PITPNM2: variants seen among roughly 807,000 people sequenced by gnomAD.
PITPNM2 encodes the protein membrane-associated phosphatidylinositol transfer protein 2.
In PITPNM2, 35 loss-of-function variants were observed where a neutral mutation model predicts 132.2. The observed-to-expected ratio is 0.26, with a 90% confidence interval of 0.20 to 0.35. PITPNM2 has a LOEUF of 0.35. Ranked by LOEUF, PITPNM2 falls within the 10% of genes least tolerant of loss-of-function variation. The probability of loss-of-function intolerance (pLI) is 1.00; values close to 1 mark genes in which losing one functional copy is unlikely to be tolerated. For synonymous variants in PITPNM2, 738 were observed against 799.2 expected (o/e 0.92, Z 1.29); for missense variants, 1,332 against 1,912.0 (o/e 0.70, Z 5.66).
chr12:123,135,999 T>C (rs2043373135), intron 1 of PITPNM2, among the ~76,000 whole-genome samples: 1 of 152,190 alleles, frequency 6.6e-6, no homozygotes, highest in African/African-American at 2.4e-5. Context: ...CCCATGAACA[T>C]ACATTACTTA....
intron 1 of PITPNM2, among the ~76,000 whole-genome samples, chr12:123,124,170 C>T (rs1293465433): frequency 6.6e-6 from 1 of 152,226 alleles, no homozygotes; most frequent in Non-Finnish European, 1.5e-5. Context: ...GCAGGAGAAT[C>T]GCTTGGACCC....
chr12:123,029,647 G>A (rs2040000039), intron 3 of PITPNM2, among the ~76,000 whole-genome samples: 1 of 151,656 alleles, frequency 6.6e-6, no homozygotes, highest in South Asian at 2.1e-4. Flanking sequence ...GTGTATGTGT[G>A]TGTGTGTGTG....
rs190279921 is a variant in PITPNM2, at chr12:123,043,449, C to A, written c.-95-8764G>T. Among the ~76,000 whole-genome samples the A allele has an allele frequency of 2.0e-5, 3 of 152,280 alleles. No individual in the cohort carries two copies. In the East Asian group the frequency reaches 5.8e-4, roughly 29 times the overall value. On this transcript the variant is annotated intron_variant, in intron 2 of 25. Coordinates refer to ENST00000320201, the MANE Select transcript of PITPNM2 (RefSeq NM_020845.3). ...ACCTGACTCCTTCCTCTAACGCTGG[C>A]CTGGGCAGTGAAGAGGGGGTCCCAG... is the stretch of plus-strand genomic sequence containing the variant.
At chr12:123,075,384 G>A (rs1050780525) in intron 2 of PITPNM2, among the ~76,000 whole-genome samples, 2 of 152,234 alleles carry the variant, frequency 1.3e-5, no homozygotes, top group East Asian at 1.9e-4. Context: ...GCATCAGAGC[G>A]GCCTGTCCTG....
intron 2 of PITPNM2, among the ~76,000 whole-genome samples, chr12:123,061,019 G>A (rs990120581): frequency 6.6e-6 from 1 of 151,876 alleles, no homozygotes; most frequent in African/African-American, 2.4e-5. Flanking sequence ...TAGCTACCGC[G>A]CCATTCACTC....
At position 122,990,532 on chromosome 12, in the gene PITPNM2, C is replaced by T; in HGVS notation, c.2569+13G>A. ...TGGCTGAGTGAGGAGGGTGAGGGGC[C>T]TGGTATACTCACTCTGGGCGATGCT... On this transcript the variant is annotated intron_variant, in intron 17 of 25. Transcript: ENST00000320201. 1.9e-6 allele frequency: 3 copies of T among 1,612,334 alleles called. No individual in the cohort carries two copies. Among genetic ancestry groups the T allele is most frequent in the Non-Finnish European group, 2.5e-6 (3 of 1,179,746 alleles).
At chr12:123,149,969 G>A (rs2043694309) in intron 1 of PITPNM2, 1 of 152,292 alleles carries the variant, frequency 6.6e-6, no homozygotes, top group South Asian at 2.1e-4. Context: ...TCAGTGGGAG[G>A]GAGAGGAGTG....
At chr12:123,014,704 AAAAC>A (rs1334145685) in intron 3 of PITPNM2, among the ~76,000 whole-genome samples, 215 of 152,362 alleles carry the variant, frequency 1.4e-3, no homozygotes, top group African/African-American at 4.6e-3. Context: ...TCTGTCTCAA[AAAAC>A]AAACAAAACA....
At chr12:123,109,790 C>G (rs762042808) in intron 2 of PITPNM2, among the ~76,000 whole-genome samples, 1 of 152,194 alleles carries the variant, frequency 6.6e-6, no homozygotes, top group Non-Finnish European at 1.5e-5. Flanking sequence ...AGGAGAATAG[C>G]AGCCGTTGGG....
Position 123,018,008 on chromosome 12 carries a change from C to CTTCT in PITPNM2, c.79-3967_79-3966insAGAA, listed in dbSNP as rs2039499059. 5.1e-5 allele frequency among the ~76,000 whole-genome samples: 7 copies of CTTCT among 136,662 alleles called. No homozygotes were observed. In the South Asian group the frequency reaches 1.8e-3, roughly 34 times the overall value. The allele number at this position is 136,662 out of a possible 152,430, so 89.7% of individuals were successfully genotyped here. On this transcript the variant is annotated intron_variant, in intron 3 of 25. Transcript: ENST00000320201. ...TTTTCCTTCCTTCCTTCCTTCCTTC[C>CTTCT]TTCCTTCCTTCCTTCCTTCCTTCCT... is the stretch of plus-strand genomic sequence containing the variant.
At chr12:123,002,063 G>A (rs957576205) in intron 8 of PITPNM2, among the ~76,000 whole-genome samples, 5 of 151,570 alleles carry the variant, frequency 3.3e-5, no homozygotes, top group African/African-American at 1.2e-4. Flanking sequence ...TTAGGCCAGG[G>A]GTGGTGGTTC....
In PITPNM2 at chr12:123,005,930, T is replaced by A; in HGVS notation, c.644-382A>T. The A allele has an allele frequency of 5.7e-6, 1 of 173,974 alleles. No individual in the cohort carries two copies. The allele number at this position is 173,974 out of a possible 1,614,324, so 10.8% of individuals were successfully genotyped here. ...CTGGGCAACGAAACAAGACCCTGTC[T>A]CTATAAAAAAAAAAAAAATTAAAAA... On this transcript the variant is annotated intron_variant, in intron 6 of 25. Transcript: ENST00000320201. The surrounding 1 kb of genome is among the most constrained non-coding windows in gnomAD (Gnocchi z 6.2).
chr12:123,079,402 G>A (rs1281189239), intron 2 of PITPNM2, among the ~76,000 whole-genome samples: 1 of 114,014 alleles, frequency 8.8e-6, no homozygotes, highest in African/African-American at 3.3e-5. Context: ...AGGCTGGAGT[G>A]CAGTGGTATG....
intron 1 of PITPNM2, among the ~76,000 whole-genome samples, chr12:123,128,554 C>T (rs2043197197): frequency 1.3e-5 from 2 of 150,550 alleles, no homozygotes; most frequent in South Asian, 2.1e-4. Flanking sequence ...AAGATCGAGA[C>T]CATCTTGGCT....
At chr12:123,084,387 C>T (rs2042052137) in intron 2 of PITPNM2, 1 of 152,260 alleles carries the variant, frequency 6.6e-6, no homozygotes, top group Non-Finnish European at 1.5e-5. Context: ...GACGGGGGTC[C>T]TGGTCCTGTT....
rs1041229165 is a variant in PITPNM2 at position 123,095,962 on chromosome 12, C to A, written c.-96+14423G>T. 6.6e-6 allele frequency among the ~76,000 whole-genome samples: 1 copy of A among 152,232 alleles called. No homozygotes were observed. Among genetic ancestry groups the A allele is most frequent in the Non-Finnish European group, 1.5e-5 (1 of 68,042 alleles). On this transcript the variant is annotated intron_variant, in intron 2 of 25. Coordinates refer to ENST00000320201, the MANE Select transcript of PITPNM2 (RefSeq NM_020845.3). The surrounding 1 kb of genome is among the most constrained non-coding windows in gnomAD (Gnocchi z 5.0). Reference sequence around the variant, plus strand: ...GGATCATCACCGCCCATGACTGATGCCTGTGATGGCCTGAGAGCTCCTTGA... The same window carrying A: ...GGATCATCACCGCCCATGACTGATGACTGTGATGGCCTGAGAGCTCCTTGA...
At position 123,004,382 on chromosome 12, in the gene PITPNM2, C is replaced by T. The variant is rs760475266; in HGVS notation, c.1048+12G>A. ...GGAAGGCCCCAAGGACTGCAGAGCGCTGCCTGCCTACCGTGCGCATCGAAG... is the reference window on the plus strand; with the variant it reads ...GGAAGGCCCCAAGGACTGCAGAGCGTTGCCTGCCTACCGTGCGCATCGAAG... On this transcript the variant is annotated intron_variant, in intron 8 of 25. Coordinates refer to ENST00000320201, the MANE Select transcript of PITPNM2 (RefSeq NM_020845.3). The surrounding 1 kb of genome is among the most constrained non-coding windows in gnomAD (Gnocchi z 4.9). The T allele has an allele frequency of 1.2e-6, 2 of 1,613,584 alleles. No homozygotes were observed. Among genetic ancestry groups the T allele is most frequent in the Admixed American group, 3.3e-5 (2 of 60,020 alleles).
At chr12:123,125,873 T>TG (rs2043129124) in intron 1 of PITPNM2, among the ~76,000 whole-genome samples, 1 of 98,612 alleles carries the variant, frequency 1.0e-5, no homozygotes, top group Non-Finnish European at 2.2e-5. Flanking sequence ...GGTTTTTTTT[T>TG]TTTTTTTTTT....
intron 1 of PITPNM2, among the ~76,000 whole-genome samples, chr12:123,138,461 G>T (rs1204944992): frequency 6.6e-6 from 1 of 151,898 alleles, no homozygotes; most frequent in Non-Finnish European, 1.5e-5. Flanking sequence ...TGTTTAAAAT[G>T]GTAAATGTTA....
Sources: gnomAD v4.1 joint callset for allele counts (sites outside exome capture counted in the v4.1 genomes callset) on GRCh38, gnomAD v4.1.1 for gene constraint, Gnocchi (gnomAD v3.1) non-coding constraint, MANE v1.5 for transcripts, NCBI Gene and HGNC (gene_info 2026-07-23, HGNC 2026-07-21) for gene names.